CNTN4: variants seen among roughly 807,000 people sequenced by gnomAD.
CNTN4 encodes contactin 4, also known as contactin-4.
In CNTN4, 77 loss-of-function variants were observed where a neutral mutation model predicts 122.5. That is an observed-to-expected ratio of 0.63 (90% CI 0.52 to 0.76). The LOEUF (loss-of-function observed/expected upper bound fraction) is 0.76. Among genes scored for constraint, CNTN4 ranks in the 30% least tolerant of loss-of-function variants. The pLI is 0.00. For missense variants in CNTN4, 1,256 were observed against 1,259.1 expected (o/e 1.00, Z 0.04); for synonymous variants, 512 against 447.0 (o/e 1.15, Z -1.83).
At chr3:2,792,217 T>C (rs928490869) in intron 6 of CNTN4, among the ~76,000 whole-genome samples, 1 of 152,248 alleles carries the variant, frequency 6.6e-6, no homozygotes, top group Non-Finnish European at 1.5e-5. Flanking sequence ...CCCATATTTT[T>C]ACATGATCCC....
At chr3:2,136,056 G>A (rs984112897) in intron 2 of CNTN4, among the ~76,000 whole-genome samples, 2 of 152,154 alleles carry the variant, frequency 1.3e-5, no homozygotes, top group African/African-American at 2.4e-5. Context: ...GTCTTATCTG[G>A]GTATGGGCTC....
chr3:2,997,371 T>TG (rs1283432923), intron 14 of CNTN4, among the ~76,000 whole-genome samples: 1 of 152,210 alleles, frequency 6.6e-6, no homozygotes, highest in Non-Finnish European at 1.5e-5. Context: ...GGTGGTCCCA[T>TG]GGGGGGAGCC....
Position 2,307,207 on chromosome 3 carries a change from G to A in CNTN4, c.-144-31971G>A, listed in dbSNP as rs985840671. Among the ~76,000 whole-genome samples, 9 of 152,190 alleles carry A rather than the reference G, an allele frequency of 5.9e-5. No individual in the cohort carries two copies. The South Asian group carries it at 6.2e-4, about 11-fold the overall frequency. On this transcript the variant is annotated intron_variant, in intron 2 of 24. Transcript: ENST00000418658. ...TCCCAGCACTTTGGGAGGCTGAGGC[G>A]GGCAGACCACAAGGTCAGGAGATGA...
Position 2,629,410 on chromosome 3 carries a change from T to TA in CNTN4, c.55+57859dup, listed in dbSNP as rs563587273. 33 of 343,466 alleles carry TA rather than the reference T, an allele frequency of 9.6e-5. No homozygotes were observed. The East Asian group carries it at 2.2e-3, about 23-fold the overall frequency. The allele number at this position is 343,466 out of a possible 1,614,324, so 21.3% of individuals were successfully genotyped here. A position where few individuals can be genotyped will look rare whatever the true frequency, so the allele number is the denominator to read the frequency against. On this transcript the variant is annotated intron_variant, in intron 4 of 24. Transcript: ENST00000418658. ...AGCAGACTAATGCAGCATCTAATTT[T>TA]AAAAAAATACTTTTCAAATATTCAA...
chr3:2,911,504 C>T (rs1283789108), intron 12 of CNTN4, among the ~76,000 whole-genome samples: 5 of 152,086 alleles, frequency 3.3e-5, no homozygotes, highest in African/African-American at 7.2e-5. Context: ...GCCAGAATTC[C>T]AGCAGAAGAT....
chr3:2,713,377 A>T (rs943515751), intron 4 of CNTN4, among the ~76,000 whole-genome samples: 3 of 152,204 alleles, frequency 2.0e-5, no homozygotes, highest in African/African-American at 7.2e-5. Flanking sequence ...AACACAAGGA[A>T]AACTATTTTT....
intron 3 of CNTN4, among the ~76,000 whole-genome samples, chr3:2,418,847 G>A (rs972188899): frequency 6.6e-6 from 1 of 152,154 alleles, no homozygotes; most frequent in South Asian, 2.1e-4. Flanking sequence ...TACAGTTCAT[G>A]ATATTTGTAT....
chr3:2,173,121 A>T (rs1259431225), intron 2 of CNTN4, among the ~76,000 whole-genome samples: 2 of 152,204 alleles, frequency 1.3e-5, no homozygotes, highest in African/African-American at 4.8e-5. Flanking sequence ...AATGATTAGC[A>T]TTAGAACAAA....
intron 10 of CNTN4, among the ~76,000 whole-genome samples, chr3:2,893,400 T>G (rs2094067606): frequency 6.6e-6 from 1 of 152,220 alleles, no homozygotes; most frequent in African/African-American, 2.4e-5. Context: ...AACCAAAGAC[T>G]GAACACAGTA....
chr3:2,722,986 T>A (rs555057178), intron 4 of CNTN4, among the ~76,000 whole-genome samples: 1 of 152,306 alleles, frequency 6.6e-6, no homozygotes, highest in East Asian at 1.9e-4. Context: ...TGCTGTCTAT[T>A]GAAGGGAAAT....
intron 2 of CNTN4, among the ~76,000 whole-genome samples, chr3:2,318,785 G>A (rs940888446): frequency 2.0e-5 from 3 of 152,118 alleles, no homozygotes; most frequent in African/African-American, 7.2e-5. Context: ...GACTGCATGT[G>A]CATGCCACTA....
At chr3:3,037,123 C>G in intron 17 of CNTN4, 56 bp from the exon 18 acceptor site, 1 of 1,585,568 alleles carries the variant, frequency 6.3e-7, no homozygotes, top group Admixed American at 1.7e-5. Flanking sequence ...AACGTAATCT[C>G]TGCATTTGTT....
intron 6 of CNTN4, among the ~76,000 whole-genome samples, chr3:2,812,656 T>C (rs1222176876): frequency 1.3e-5 from 2 of 152,184 alleles, no homozygotes; most frequent in Non-Finnish European, 2.9e-5. Context: ...AGTGAGTCAC[T>C]TTCTGTAAAC....
intron 12 of CNTN4, among the ~76,000 whole-genome samples, chr3:2,917,436 T>G (rs2094380958): frequency 6.6e-6 from 1 of 151,326 alleles, no homozygotes; most frequent in African/African-American, 2.5e-5. Flanking sequence ...AAGACTCATA[T>G]GTATTACTTG....
intron 7 of CNTN4, among the ~76,000 whole-genome samples, chr3:2,850,444 C>T (rs114565882): frequency 1.1e-4 from 17 of 152,172 alleles, no homozygotes; most frequent in Non-Finnish European, 2.2e-4. Flanking sequence ...TTTATTTTTA[C>T]GTTTTTCAGT....
chr3:2,933,501 C>A (rs978849571), intron 13 of CNTN4, among the ~76,000 whole-genome samples: 7 of 152,116 alleles, frequency 4.6e-5, no homozygotes, highest in Non-Finnish European at 7.3e-5. Flanking sequence ...GGTCTGGGAA[C>A]AAAAGGAAAG....
chr3:2,194,376 A>G (rs1405475082), intron 2 of CNTN4, among the ~76,000 whole-genome samples: 2 of 152,100 alleles, frequency 1.3e-5, no homozygotes, highest in African/African-American at 2.4e-5. Flanking sequence ...CCCAAAGATC[A>G]CTTGAGCCTG....
intron 13 of CNTN4, among the ~76,000 whole-genome samples, chr3:2,961,588 A>G (rs1056273495): frequency 2.6e-5 from 4 of 152,178 alleles, no homozygotes; most frequent in African/African-American, 9.6e-5. Flanking sequence ...GTTATATCAA[A>G]TGTTGTTAAA....
intron 3 of CNTN4, among the ~76,000 whole-genome samples, chr3:2,532,303 G>T (rs902402885): frequency 6.6e-6 from 1 of 152,092 alleles, no homozygotes; most frequent in South Asian, 2.1e-4. Context: ...CCCTGGGCTG[G>T]ACTGCAGTGG....
Sources: gnomAD v4.1 joint callset for allele counts (sites outside exome capture counted in the v4.1 genomes callset) on GRCh38, gnomAD v4.1.1 for gene constraint, MANE v1.5 for transcripts, NCBI Gene and HGNC (gene_info 2026-07-23, HGNC 2026-07-21) for gene names.